FMN2: variants seen among roughly 807,000 people sequenced by gnomAD.
The protein encoded by FMN2 is formin-2.
A neutral mutation model predicts 142.3 loss-of-function variants in FMN2; 51 were observed. The observed-to-expected ratio is 0.36, with a 90% CI of 0.29 to 0.45. FMN2 has a LOEUF of 0.45. FMN2 is among the 20% of genes least tolerant of loss of function. The pLI is 1.00. For missense variants in FMN2, 1,936 were observed against 2,122.8 expected (o/e 0.91, Z 1.73); for synonymous variants, 882 against 869.8 (o/e 1.01, Z -0.25).
intron 2 of FMN2, among the ~76,000 whole-genome samples, chr1:240,136,520 A>G (rs941233572): frequency 1.3e-5 from 2 of 152,228 alleles, no homozygotes; most frequent in Non-Finnish European, 2.9e-5. Context: ...ATGCTGTTTT[A>G]GATATCCATT....
intron 4 of FMN2, among the ~76,000 whole-genome samples, chr1:240,202,097 T>C (rs1168841034): frequency 6.6e-6 from 1 of 152,186 alleles, no homozygotes; most frequent in Non-Finnish European, 1.5e-5. Context: ...AATCTTTGTG[T>C]GGTTGCATCT....
intron 8 of FMN2, among the ~76,000 whole-genome samples, chr1:240,313,293 G>T (rs927666187): frequency 6.6e-6 from 1 of 152,032 alleles, no homozygotes. Flanking sequence ...TATGCATAAC[G>T]CCCTTTTCAC....
chr1:240,324,199 C>T (rs1015928331), intron 8 of FMN2, among the ~76,000 whole-genome samples: 1 of 152,184 alleles, frequency 6.6e-6, no homozygotes, highest in East Asian at 1.9e-4. Flanking sequence ...GAGATCTCCC[C>T]ATCTGGACAT....
intron 1 of FMN2, among the ~76,000 whole-genome samples, chr1:240,106,023 C>T (rs12062492): frequency 0.6 from 90,586 of 151,960 alleles, 27,146 homozygotes; most frequent in Non-Finnish European, 0.62. Context: ...ACATTATTAA[C>T]GTTTTAATTT....
chr1:240,162,872 T>C (rs766698304), intron 2 of FMN2, among the ~76,000 whole-genome samples: 8 of 152,182 alleles, frequency 5.3e-5, no homozygotes, highest in Non-Finnish European at 7.4e-5. Flanking sequence ...ATCTTTTTAA[T>C]ATATGCATTT....
chr1:240,209,248 CT>C (rs35230925), intron 5 of FMN2, among the ~76,000 whole-genome samples: 98,250 of 138,538 alleles, frequency 0.71, 35,043 homozygotes, highest in African/African-American at 0.85. Context: ...TTCTTAAATC[CT>C]TTTTTTTTTT....
intron 14 of FMN2, among the ~76,000 whole-genome samples, chr1:240,379,253 G>A (rs1005176564): frequency 1.3e-5 from 2 of 152,022 alleles, no homozygotes; most frequent in South Asian, 2.1e-4. Flanking sequence ...CTTGTGATCA[G>A]TGACAGCTCT....
At chr1:240,108,120 C>G (rs1383226013) in intron 1 of FMN2, among the ~76,000 whole-genome samples, 1 of 152,130 alleles carries the variant, frequency 6.6e-6, no homozygotes, top group Non-Finnish European at 1.5e-5. Flanking sequence ...TAGAGTTTCA[C>G]TCTGCTTTAT....
At chr1:240,348,116 G>A (rs1671969311) in intron 13 of FMN2, among the ~76,000 whole-genome samples, 1 of 151,982 alleles carries the variant, frequency 6.6e-6, no homozygotes, top group African/African-American at 2.4e-5. Context: ...TGTTTAAGAA[G>A]TCTTCAAGCT....
intron 8 of FMN2, among the ~76,000 whole-genome samples, chr1:240,302,246 T>G (rs1572172181): frequency 6.6e-6 from 1 of 152,098 alleles, no homozygotes; most frequent in Non-Finnish European, 1.5e-5. Flanking sequence ...TAATTTTTGT[T>G]ACAAATTGAA....
chr1:240,294,792 G>T (rs374997563), intron 7 of FMN2, 30 bp from the exon 8 acceptor site: 2 of 1,610,946 alleles, frequency 1.2e-6, no homozygotes, highest in African/African-American at 2.7e-5. Context: ...GTGGCTTATG[G>T]CAATTTATAT....
chr1:240,375,327 C>T (rs183370492), intron 14 of FMN2, among the ~76,000 whole-genome samples: 31 of 151,930 alleles, frequency 2.0e-4, no homozygotes, highest in African/African-American at 6.0e-4. Context: ...AATAGTCATT[C>T]GACTACAGTT....
chr1:240,455,326 A>G (rs1676203563), intron 16 of FMN2, among the ~76,000 whole-genome samples: 1 of 152,140 alleles, frequency 6.6e-6, no homozygotes, highest in Non-Finnish European at 1.5e-5. Flanking sequence ...CAGCCTAGAA[A>G]ACATCGCAAG....
chr1:240,162,168 T>C (rs1393078990), intron 2 of FMN2, among the ~76,000 whole-genome samples: 1 of 147,334 alleles, frequency 6.8e-6, no homozygotes, highest in African/African-American at 2.5e-5. Flanking sequence ...AAAGAAATTA[T>C]GAAGAAAGCA....
intron 13 of FMN2, among the ~76,000 whole-genome samples, chr1:240,353,423 G>A (rs1672163333): frequency 6.6e-6 from 1 of 152,152 alleles, no homozygotes; most frequent in Admixed American, 6.5e-5. Flanking sequence ...AACCCTGTCT[G>A]CTAGATTCCA....
chr1:240,447,143 C>T (rs763968165), intron 16 of FMN2, among the ~76,000 whole-genome samples: 6 of 152,046 alleles, frequency 3.9e-5, no homozygotes, highest in African/African-American at 9.7e-5. Flanking sequence ...GACAGCAATT[C>T]GCTCACCTGG....
chr1:240,125,379 A>G (rs1006900742), intron 2 of FMN2, among the ~76,000 whole-genome samples: 4 of 152,180 alleles, frequency 2.6e-5, no homozygotes, highest in African/African-American at 7.2e-5. Context: ...TGCTAGGTAG[A>G]TCTCTTTCTC....
intron 12 of FMN2, 35 bp from the exon 13 acceptor site, chr1:240,334,074 T>G: frequency 6.4e-7 from 1 of 1,573,308 alleles, no homozygotes; most frequent in Non-Finnish European, 8.6e-7. Flanking sequence ...TGATAACCAA[T>G]TTCTTTAAAT....
chr1:240,412,368 G>A (rs896936311), intron 15 of FMN2, among the ~76,000 whole-genome samples: 2 of 152,158 alleles, frequency 1.3e-5, no homozygotes, highest in African/African-American at 4.8e-5. Flanking sequence ...AATGGAAACT[G>A]AGGATAAGCT....
Sources: gnomAD v4.1 joint callset for allele counts (sites outside exome capture counted in the v4.1 genomes callset) on GRCh38, gnomAD v4.1.1 for gene constraint, MANE v1.5 for transcripts, NCBI Gene and HGNC (gene_info 2026-07-23, HGNC 2026-07-21) for gene names.